The following ANXA4 variants were observed in gnomAD, a reference collection of about 807,000 sequenced individuals.
ANXA4 encodes annexin A4, also known as 35-beta calcimedin.
Under a neutral mutation model 49.8 loss-of-function variants are expected in ANXA4, and 39 were observed. The ratio of observed to expected loss-of-function variants is 0.78; its 90% CI spans 0.61 to 1.02. The LOEUF (loss-of-function observed/expected upper bound fraction) is 1.02, where lower values mean the gene tolerates loss of function less well. Among genes scored for constraint, ANXA4 ranks in the 50% least tolerant of loss-of-function variants. ANXA4 has a pLI of 0.00. For missense variants in ANXA4, 360 were observed against 410.1 expected (o/e 0.88, Z 1.05); for synonymous variants, 134 against 152.5 (o/e 0.88, Z 0.89).
At chr2:69,660,705 G>T (rs1396798) in intron 2 of ANXA4, among the ~76,000 whole-genome samples, 44,096 of 151,454 alleles carry the variant, frequency 0.29, 6,641 homozygotes, top group East Asian at 0.39. Flanking sequence ...TAGCAGATAA[G>T]ACACAATTAA....
chr2:69,701,558 A>G (rs1173911338), intron 2 of ANXA4, among the ~76,000 whole-genome samples: 1 of 152,200 alleles, frequency 6.6e-6, no homozygotes. Flanking sequence ...TTAAGGCTGA[A>G]TAGTATTATA....
intron 3 of ANXA4, among the ~76,000 whole-genome samples, chr2:69,734,524 T>C (rs1670190274): frequency 1.3e-5 from 2 of 152,208 alleles, no homozygotes; most frequent in Admixed American, 6.5e-5. Context: ...GACAAGCATT[T>C]GACCATGAAC....
chr2:69,799,168 T>C (rs1357510799), intron 3 of ANXA4, among the ~76,000 whole-genome samples: 2 of 151,384 alleles, frequency 1.3e-5, no homozygotes, highest in South Asian at 2.1e-4. Flanking sequence ...CCTGACCACA[T>C]AGGCTGACTC....
intron 1 of ANXA4, among the ~76,000 whole-genome samples, chr2:69,779,971 G>A (rs1672128775): frequency 1.3e-5 from 2 of 152,174 alleles, no homozygotes; most frequent in South Asian, 2.1e-4. Context: ...ATGGGAAACA[G>A]GAAGAATGAA....
upstream of ANXA4, among the ~76,000 whole-genome samples, chr2:69,740,488 C>T (rs1670356586): frequency 6.6e-6 from 1 of 152,040 alleles, no homozygotes; most frequent in East Asian, 1.9e-4. Context: ...AGGTCTCACC[C>T]TGTCGCCCAG....
intron 2 of ANXA4, among the ~76,000 whole-genome samples, chr2:69,674,920 T>TTG (rs1347075377): frequency 3.3e-5 from 5 of 151,490 alleles, no homozygotes; most frequent in African/African-American, 1.2e-4. Context: ...AAACTGTTTT[T>TTG]TTTTTTTTTT....
chr2:69,781,813 A>C (rs1319590193), intron 2 of ANXA4, among the ~76,000 whole-genome samples: 2 of 152,144 alleles, frequency 1.3e-5, no homozygotes, highest in Non-Finnish European at 2.9e-5. Flanking sequence ...ACATCCTGAG[A>C]ATATAGAAAC....
chr2:69,789,463 C>T (rs114086916), intron 3 of ANXA4, among the ~76,000 whole-genome samples: 1 of 152,252 alleles, frequency 6.6e-6, no homozygotes, highest in African/African-American at 2.4e-5. Flanking sequence ...GCTGGTGAAG[C>T]AGCCTTGTTG....
intron 3 of ANXA4, among the ~76,000 whole-genome samples, chr2:69,730,617 A>G (rs565090976): frequency 3.9e-5 from 6 of 152,316 alleles, no homozygotes; most frequent in African/African-American, 1.4e-4. Context: ...TCTGCTCAGT[A>G]TCCACCTGGG....
chr2:69,727,003 C>G (rs1055114588), intron 3 of ANXA4, among the ~76,000 whole-genome samples: 1 of 152,170 alleles, frequency 6.6e-6, no homozygotes, highest in South Asian at 2.1e-4. Context: ...CCACCTCAGC[C>G]TCCCGAGTAG....
intron 2 of ANXA4, among the ~76,000 whole-genome samples, chr2:69,653,523 G>A (rs1559042553): frequency 6.6e-6 from 1 of 152,100 alleles, no homozygotes; most frequent in Non-Finnish European, 1.5e-5. Context: ...ATTCCTGAGA[G>A]GAAAATACCC....
chr2:69,706,734 G>T (rs1170891278), intron 2 of ANXA4, among the ~76,000 whole-genome samples: 2 of 152,182 alleles, frequency 1.3e-5, no homozygotes, highest in Non-Finnish European at 2.9e-5. Context: ...CATAGAAATG[G>T]AATCATACTA....
intron 2 of ANXA4, among the ~76,000 whole-genome samples, chr2:69,706,126 T>G (rs2105397779): frequency 6.6e-6 from 1 of 151,798 alleles, no homozygotes; most frequent in East Asian, 1.9e-4. Context: ...GCAAAAATAA[T>G]CTAGCTATTT....
chr2:69,668,559 C>CG (rs763822727), intron 2 of ANXA4, among the ~76,000 whole-genome samples: 1 of 152,166 alleles, frequency 6.6e-6, no homozygotes, highest in Non-Finnish European at 1.5e-5. Context: ...TAAATATACA[C>CG]ATATATATCT....
At position 69,820,837 on chromosome 2, in the gene ANXA4, C is replaced by G; in HGVS notation, c.906+16C>G. 6.2e-7 allele frequency: 1 copy of G among 1,613,048 alleles called. No individual in the cohort carries two copies. The highest frequency in any genetic ancestry group is 8.5e-7 in the Non-Finnish European group (1 of 1,179,466). On this transcript the variant is annotated intron_variant, in intron 12 of 12. Transcript: ENST00000394295. ...GTTCATCAAGGTAGGTCACAGCAGC[C>G]TAAGTCCAGAGTAAAGGATCCAGAA... is the stretch of plus-strand genomic sequence containing the variant.
intron 2 of ANXA4, among the ~76,000 whole-genome samples, chr2:69,677,187 A>G (rs561745502): frequency 6.6e-6 from 1 of 152,224 alleles, no homozygotes; most frequent in South Asian, 2.1e-4. Flanking sequence ...TTTGCTTAAT[A>G]TTATATTGTA....
At chr2:69,736,836 C>T (rs1043987385) in intron 3 of ANXA4, among the ~76,000 whole-genome samples, 6 of 152,214 alleles carry the variant, frequency 3.9e-5, no homozygotes, top group Non-Finnish European at 5.9e-5. Flanking sequence ...GAGTCTCGCT[C>T]TATCACTCAG....
chr2:69,684,528 C>G (rs963612280), intron 2 of ANXA4, among the ~76,000 whole-genome samples: 10 of 147,494 alleles, frequency 6.8e-5, no homozygotes, highest in African/African-American at 2.6e-4. Flanking sequence ...ACAAAAAATA[C>G]AAAAATTATC....
intron 1 of ANXA4, among the ~76,000 whole-genome samples, chr2:69,777,774 GGTCTTA>G (rs1187218511): frequency 6.6e-6 from 1 of 152,178 alleles, no homozygotes; most frequent in Non-Finnish European, 1.5e-5. Context: ...CCTTCATTCA[GGTCTTA>G]GTTCAGATGT....
Sources: allele counts gnomAD v4.1 joint callset (sites outside exome capture counted in the v4.1 genomes callset), GRCh38; gene constraint gnomAD v4.1.1; transcripts MANE v1.5; gene names NCBI Gene and HGNC (gene_info 2026-07-23, HGNC 2026-07-21).